The following TECRL variants were observed in gnomAD, a reference collection of about 807,000 sequenced individuals.
TECRL encodes the protein trans-2,3-enoyl-CoA reductase-like.
Under a neutral mutation model 52.8 loss-of-function variants are expected in TECRL, and 63 were observed. The ratio of observed to expected loss-of-function variants is 1.19; its 90% CI spans 0.97 to 1.47. The LOEUF (loss-of-function observed/expected upper bound fraction) is 1.47. Among genes scored for constraint, TECRL ranks in the 40% most tolerant of loss-of-function variants. The pLI is 0.00. For synonymous variants in TECRL, 164 were observed against 141.9 expected, an observed-to-expected ratio of 1.16 and a Z score of -1.10; for missense variants, 482 against 429.6, an observed-to-expected ratio of 1.12 and a Z score of -1.08.
At chr4:64,362,473 T>C (rs6843068) in intron 2 of TECRL, among the ~76,000 whole-genome samples, 1 of 151,692 alleles carries the variant, frequency 6.6e-6, no homozygotes, top group African/African-American at 2.4e-5. Flanking sequence ...CAGGTCACAT[T>C]GAAAGATAAC....
chr4:64,323,939 G>A (rs949816173), intron 3 of TECRL, among the ~76,000 whole-genome samples: 1 of 152,168 alleles, frequency 6.6e-6, no homozygotes, highest in African/African-American at 2.4e-5. Context: ...CAAATAGGCA[G>A]CAGGGTAGAA....
At chr4:64,330,873 C>G (rs1190685062) in intron 2 of TECRL, among the ~76,000 whole-genome samples, 2 of 152,062 alleles carry the variant, frequency 1.3e-5, no homozygotes, top group African/African-American at 4.8e-5. Flanking sequence ...ATACCACATC[C>G]TAAAGATGAA....
Position 64,305,713 on chromosome 4 carries a change from G to A in TECRL, c.658-475C>T, listed in dbSNP as rs530953713. Among the ~76,000 whole-genome samples the A allele has an allele frequency of 7.9e-5, 12 of 152,222 alleles. No individual in the cohort carries two copies. In the South Asian group the frequency reaches 2.5e-3, roughly 32 times the overall value. ...TGCTTTAACCCTCCCTGCTCCATGG[G>A]TTTCACTTAGGCACTCATGAGTAAT... On this transcript the variant is annotated intron_variant, in intron 6 of 11. Coordinates refer to ENST00000381210, the MANE Select transcript of TECRL (RefSeq NM_001010874.5).
intron 2 of TECRL, among the ~76,000 whole-genome samples, chr4:64,368,201 T>C (rs1039843962): frequency 6.6e-6 from 1 of 151,998 alleles, no homozygotes; most frequent in Non-Finnish European, 1.5e-5. Flanking sequence ...TACCAAAAAA[T>C]GAATTCATGA....
intron 8 of TECRL, among the ~76,000 whole-genome samples, chr4:64,296,043 A>T (rs1723661734): frequency 6.6e-6 from 1 of 152,022 alleles, no homozygotes; most frequent in Non-Finnish European, 1.5e-5. Flanking sequence ...GTTTTCAGTC[A>T]ATAAGTATAA....
intron 4 of TECRL, among the ~76,000 whole-genome samples, chr4:64,320,304 A>G (rs1483901132): frequency 1.3e-5 from 2 of 151,928 alleles, no homozygotes; most frequent in Admixed American, 1.3e-4. Context: ...TTTCCCTATT[A>G]TATTATTTAT....
intron 5 of TECRL, among the ~76,000 whole-genome samples, chr4:64,311,144 T>G (rs1282574433): frequency 6.6e-6 from 1 of 152,260 alleles, no homozygotes; most frequent in African/African-American, 2.4e-5. Context: ...GGAAATGATT[T>G]CTGGTACGAG....
At chr4:64,382,318 AT>A (rs1213825053) in intron 1 of TECRL, among the ~76,000 whole-genome samples, 2 of 144,918 alleles carry the variant, frequency 1.4e-5, no homozygotes, top group Admixed American at 1.4e-4. Context: ...TATATATTAT[AT>A]CTATATTATA....
In TECRL at chr4:64,407,485, A is replaced by ATGTG. The variant is rs35563807; in HGVS notation, c.234+1629_234+1632dup. Among the ~76,000 whole-genome samples, 550 of 148,790 alleles carry ATGTG rather than the reference A, an allele frequency of 3.7e-3. 1 individual carries two copies. Among genetic ancestry groups the ATGTG allele is most frequent in the South Asian group, 0.014 (65 of 4,748 alleles). On this transcript the variant is annotated intron_variant, in intron 1 of 11. Transcript: ENST00000381210. The stretch of plus-strand genomic sequence containing the variant: ...GGCAAATAATTAGGAACTAATTGGC[A>ATGTG]TGTGTGTGTGTGTGTGTGTGTGTGT...
intron 9 of TECRL, among the ~76,000 whole-genome samples, chr4:64,288,458 C>T (rs1337587699): frequency 1.3e-5 from 2 of 151,930 alleles, no homozygotes; most frequent in Admixed American, 6.6e-5. Context: ...TGAAAAAGCT[C>T]GATAAGTCAG....
intron 2 of TECRL, among the ~76,000 whole-genome samples, chr4:64,352,174 T>C (rs1720443080): frequency 6.6e-6 from 1 of 152,168 alleles, no homozygotes; most frequent in African/African-American, 2.4e-5. Flanking sequence ...AGTTTATTAC[T>C]TCAAATACCT....
intron 1 of TECRL, among the ~76,000 whole-genome samples, chr4:64,390,530 A>T (rs1439029135): frequency 6.6e-6 from 1 of 151,892 alleles, no homozygotes; most frequent in Non-Finnish European, 1.5e-5. Context: ...AATCTGCTCC[A>T]TAATGAATAG....
intron 2 of TECRL, among the ~76,000 whole-genome samples, chr4:64,353,706 AG>A (rs1720558335): frequency 6.6e-6 from 1 of 152,304 alleles, no homozygotes; most frequent in East Asian, 1.9e-4. Context: ...TACAGTGGAA[AG>A]TTCTGGGAAT....
At position 64,384,800 on chromosome 4, in the gene TECRL, T is replaced by A. The variant is rs1203098029; in HGVS notation, c.235-9577A>T. Among the ~76,000 whole-genome samples the A allele has an allele frequency of 2.6e-5, 4 of 152,010 alleles. No homozygotes were observed. The East Asian group carries it at 7.7e-4, about 29-fold the overall frequency. ...AGGCCAGTCCCTAGCCTCCTGGAAG[T>A]TATGCATGAATTCTTGTGGCTTCAG... is the stretch of plus-strand genomic sequence containing the variant. On this transcript the variant is annotated intron_variant, in intron 1 of 11. Coordinates refer to ENST00000381210, the MANE Select transcript of TECRL (RefSeq NM_001010874.5).
At chr4:64,387,643 A>T (rs1402798532) in intron 1 of TECRL, among the ~76,000 whole-genome samples, 1 of 152,030 alleles carries the variant, frequency 6.6e-6, no homozygotes, top group Non-Finnish European at 1.5e-5. Context: ...TCCTGATGAC[A>T]TATAATGTAG....
chr4:64,312,760 C>T (rs1323678406), intron 5 of TECRL, among the ~76,000 whole-genome samples: 1 of 52,478 alleles, frequency 1.9e-5, no homozygotes, highest in Admixed American at 2.6e-4. Context: ...GAGCAAGACC[C>T]TCTCTCAAAA....
At chr4:64,361,251 G>A (rs112160293) in intron 2 of TECRL, among the ~76,000 whole-genome samples, 9 of 152,246 alleles carry the variant, frequency 5.9e-5, no homozygotes, top group African/African-American at 2.2e-4. Flanking sequence ...CTCCACCAGT[G>A]CACACTTGCC....
intron 4 of TECRL, among the ~76,000 whole-genome samples, chr4:64,322,132 C>G (rs1255057445): frequency 6.6e-6 from 1 of 152,160 alleles, no homozygotes; most frequent in East Asian, 1.9e-4. Flanking sequence ...ACCTTCAGCT[C>G]TCTCAAAAGA....
intron 1 of TECRL, among the ~76,000 whole-genome samples, chr4:64,393,937 A>G (rs1366109747): frequency 6.6e-6 from 1 of 152,056 alleles, no homozygotes; most frequent in Non-Finnish European, 1.5e-5. Flanking sequence ...AGCATTGTGT[A>G]TATGTCTAAA....
Sources: allele counts gnomAD v4.1 joint callset (sites outside exome capture counted in the v4.1 genomes callset), GRCh38; gene constraint gnomAD v4.1.1; transcripts MANE v1.5; gene names NCBI Gene and HGNC (gene_info 2026-07-23, HGNC 2026-07-21).